The following HDAC9 variants were observed in gnomAD, a reference collection of about 807,000 sequenced individuals.
HDAC9 encodes the protein histone deacetylase 9.
Under a neutral mutation model 139.4 loss-of-function variants are expected in HDAC9, and 41 were observed. The observed-to-expected ratio is 0.29, with a 90% CI of 0.23 to 0.38. The LOEUF is 0.38. Ranked by LOEUF, HDAC9 falls within the 10% of genes least tolerant of loss-of-function variation. HDAC9 has a pLI of 1.00. For missense variants in HDAC9, 1,147 were observed against 1,297.0 expected (o/e 0.88, Z 1.78); for synonymous variants, 517 against 476.2 (o/e 1.09, Z -1.12).
chr7:18,349,749 A>G (rs1055813231), intron 1 of HDAC9, among the ~76,000 whole-genome samples: 2 of 152,272 alleles, frequency 1.3e-5, no homozygotes, highest in Non-Finnish European at 2.9e-5. Context: ...TCACGCCAAC[A>G]GGAATAGCAC....
chr7:18,599,743 A>G (rs552159596), intron 6 of HDAC9, among the ~76,000 whole-genome samples: 55 of 152,350 alleles, frequency 3.6e-4, no homozygotes, highest in African/African-American at 1.1e-3. Flanking sequence ...ATAAGCTGCT[A>G]TAAGCATTCA....
At chr7:18,561,163 T>C (rs1331176274) in intron 2 of HDAC9, among the ~76,000 whole-genome samples, 2 of 152,230 alleles carry the variant, frequency 1.3e-5, no homozygotes, top group Non-Finnish European at 1.5e-5. Flanking sequence ...CAGTTATTTG[T>C]GGTGGCATTT....
intron 17 of HDAC9, among the ~76,000 whole-genome samples, chr7:18,821,601 T>C (rs2129199382): frequency 6.6e-6 from 1 of 152,318 alleles, no homozygotes; most frequent in Non-Finnish European, 1.5e-5. Context: ...ATAGAACACT[T>C]CAGACACCAT....
At chr7:18,857,484 T>A (rs1257435368) in intron 21 of HDAC9, among the ~76,000 whole-genome samples, 1 of 152,122 alleles carries the variant, frequency 6.6e-6, no homozygotes, top group Non-Finnish European at 1.5e-5. Flanking sequence ...TAAAGTTTTG[T>A]CTCTGTTCTC....
chr7:18,992,564 T>C (rs979370850), intron 25 of HDAC9, among the ~76,000 whole-genome samples: 1 of 152,164 alleles, frequency 6.6e-6, no homozygotes, highest in African/African-American at 2.4e-5. Context: ...ATTAAATCAG[T>C]AAAATGAGAA....
At position 18,434,549 on chromosome 7, in the gene HDAC9, CAA is replaced by C. The variant is rs1275063626; in HGVS notation, c.-41-61708_-41-61707del. Among the ~76,000 whole-genome samples, 6 of 151,478 alleles carry C rather than the reference CAA, an allele frequency of 4.0e-5. 1 individual carries two copies. In the East Asian group the frequency reaches 1.2e-3, roughly 30 times the overall value. On this transcript the variant is annotated intron_variant, in intron 1 of 3. Transcript: ENST00000413509. ...TAAGGAATTTAATCAAATTAACAGG[CAA>C]AAAACAACTCTATTAGGAAGTGGGT...
In HDAC9 at chr7:18,890,652, C is replaced by T. The variant is rs1054982744; in HGVS notation, c.2803+16056C>T. Among the ~76,000 whole-genome samples, 6 of 152,272 alleles carry T rather than the reference C, an allele frequency of 3.9e-5. No homozygotes were observed. In the East Asian group the frequency reaches 5.8e-4, roughly 15 times the overall value. ...AATACAAAGAATGAAACAGAGGGAA[C>T]GTTTCTGTTGATGATTGGAATTATA... On this transcript the variant is annotated intron_variant, in intron 22 of 25. Coordinates refer to ENST00000686413, the MANE Select transcript of HDAC9 (RefSeq NM_178425.4).
chr7:18,532,819 C>T (rs1340120036), intron 2 of HDAC9, among the ~76,000 whole-genome samples: 2 of 116,374 alleles, frequency 1.7e-5, no homozygotes, highest in Non-Finnish European at 3.5e-5. Context: ...TGGCTTTCTT[C>T]TGTTTTTTTT....
intron 12 of HDAC9, among the ~76,000 whole-genome samples, chr7:18,670,027 CAGAT>C (rs10607388): frequency 0.27 from 41,520 of 151,348 alleles, 10,841 homozygotes; most frequent in African/African-American, 0.69. Context: ...TAGTACTTAA[CAGAT>C]AGATATATAT....
intron 2 of HDAC9, among the ~76,000 whole-genome samples, chr7:18,183,080 G>T (rs1490655008): frequency 6.6e-6 from 1 of 151,668 alleles, no homozygotes; most frequent in East Asian, 1.9e-4. Flanking sequence ...CGCAATCTCG[G>T]CTCACTGCAA....
Position 18,591,520 on chromosome 7 carries a change from A to G in HDAC9, c.420A>G (p.Ala140=), listed in dbSNP as rs1244861951. Residue 140 remains alanine (A), a synonymous_variant, in exon 5 of 26, where the codon GCA becomes GCG. Transcript: ENST00000686413. ...GTGTGTGTGTGTGTATTTCAGGGGC[A>G]GTGGCAAGTACAGAAGTAAAGCAGA... ...LRGKDRGRER[A]VASTEVKQKL... The G allele has an allele frequency of 2.5e-6, 4 of 1,573,682 alleles. No homozygotes were observed. The highest frequency in any genetic ancestry group is 3.4e-6 in the Non-Finnish European group (4 of 1,160,794).
chr7:18,427,711 T>A (rs1264837751), intron 1 of HDAC9, among the ~76,000 whole-genome samples: 1 of 151,670 alleles, frequency 6.6e-6, no homozygotes, highest in Non-Finnish European at 1.5e-5. Context: ...TTTTTTTTTT[T>A]TTAAATATTT....
At chr7:18,374,869 T>G (rs1486761322) in intron 1 of HDAC9, among the ~76,000 whole-genome samples, 1 of 152,164 alleles carries the variant, frequency 6.6e-6, no homozygotes, top group Admixed American at 6.5e-5. Flanking sequence ...GAAAAGTTCC[T>G]ATTGCCTGGT....
chr7:18,691,164 C>T (rs888720160), intron 12 of HDAC9, among the ~76,000 whole-genome samples: 11 of 151,892 alleles, frequency 7.2e-5, no homozygotes, highest in South Asian at 2.1e-4. Context: ...GTGTCTGAGA[C>T]GGTGCATTCA....
intron 2 of HDAC9, among the ~76,000 whole-genome samples, chr7:18,546,412 C>T (rs991221802): frequency 2.6e-5 from 4 of 152,150 alleles, no homozygotes; most frequent in Non-Finnish European, 4.4e-5. Flanking sequence ...AATACGAACT[C>T]TCCAAGTTCT....
chr7:18,519,698 A>G lies in HDAC9; in HGVS notation c.22+23374A>G, dbSNP rs1395172545. Among the ~76,000 whole-genome samples, 3 of 151,888 alleles carry G rather than the reference A, an allele frequency of 2.0e-5. No individual in the cohort carries two copies. In the East Asian group the frequency reaches 5.8e-4, roughly 29 times the overall value. ...TGGAGCAGCATAAATTGGCAGTACT[A>G]TAAAAATTAAAAATCTACACACCCA... is the stretch of plus-strand genomic sequence containing the variant. On this transcript the variant is annotated intron_variant, in intron 2 of 25. Transcript: ENST00000686413.
intron 1 of HDAC9, among the ~76,000 whole-genome samples, chr7:18,136,639 C>T (rs1348332354): frequency 6.6e-6 from 1 of 152,104 alleles, no homozygotes; most frequent in Non-Finnish European, 1.5e-5. Flanking sequence ...TTTCTGAGGG[C>T]TCTGTTGTGT....
chr7:18,394,313 G>C (rs1585593499), intron 1 of HDAC9, among the ~76,000 whole-genome samples: 1 of 152,130 alleles, frequency 6.6e-6, no homozygotes, highest in African/African-American at 2.4e-5. Flanking sequence ...GAAAAGTTAG[G>C]GTTATTGCAG....
At chr7:18,361,862 C>CGG (rs1783808564) in intron 1 of HDAC9, among the ~76,000 whole-genome samples, 1 of 152,012 alleles carries the variant, frequency 6.6e-6, no homozygotes, top group Non-Finnish European at 1.5e-5. Flanking sequence ...ATTACTGATA[C>CGG]ACTCAGGAGA....
Sources: gnomAD v4.1 joint callset for allele counts (sites outside exome capture counted in the v4.1 genomes callset) on GRCh38, gnomAD v4.1.1 for gene constraint, MANE v1.5 for transcripts, NCBI Gene and HGNC (gene_info 2026-07-23, HGNC 2026-07-21) for gene names.